The following RNF138 variants were observed in gnomAD, a reference collection of about 807,000 sequenced individuals.
The protein encoded by RNF138 is E3 ubiquitin-protein ligase RNF138.
Under a neutral mutation model 31.0 loss-of-function variants are expected in RNF138, and 12 were observed. That is an observed-to-expected ratio of 0.39 (90% CI 0.25 to 0.63). The LOEUF is 0.63. Ranked by LOEUF, RNF138 falls within the 20% of genes least tolerant of loss-of-function variation. RNF138 has a pLI of 0.52. For synonymous variants in RNF138, 105 were observed against 99.5 expected, an observed-to-expected ratio of 1.06 and a Z score of -0.33; for missense variants, 192 against 300.1, an observed-to-expected ratio of 0.64 and a Z score of 2.66.
intron 5 of RNF138, among the ~76,000 whole-genome samples, chr18:32,123,792 A>C (rs2040343851): frequency 6.6e-6 from 1 of 151,368 alleles, no homozygotes; most frequent in African/African-American, 2.4e-5. Context: ...ATCTGGTATT[A>C]CAGGTGCCTG....
At chr18:32,106,030 A>G (rs1054994959) in intron 2 of RNF138, among the ~76,000 whole-genome samples, 2 of 152,152 alleles carry the variant, frequency 1.3e-5, no homozygotes, top group Non-Finnish European at 1.5e-5. Context: ...TGGAATACCT[A>G]TTGCATGTTT....
At chr18:32,118,956 A>G (rs1354073295) in intron 4 of RNF138, among the ~76,000 whole-genome samples, 4 of 152,300 alleles carry the variant, frequency 2.6e-5, no homozygotes, top group East Asian at 1.9e-4. Context: ...ATGTATATGC[A>G]TATTCTTTAA....
At chr18:32,106,889 T>G (rs756963137) in intron 2 of RNF138, among the ~76,000 whole-genome samples, 4 of 152,108 alleles carry the variant, frequency 2.6e-5, no homozygotes, top group Non-Finnish European at 5.9e-5. Context: ...TTGAAGTTTT[T>G]CCAGTAATCT....
At chr18:32,098,832 G>A (rs1358271434) in intron 2 of RNF138, among the ~76,000 whole-genome samples, 6 of 143,914 alleles carry the variant, frequency 4.2e-5, no homozygotes, top group South Asian at 2.2e-4. Context: ...CAGCCCGGGC[G>A]ACAGAGTGAG....
At chr18:32,124,921 A>G (rs1051619652) in intron 6 of RNF138, 76 bp downstream of exon 6, 2 of 742,662 alleles carry the variant, frequency 2.7e-6, no homozygotes, top group African/African-American at 3.5e-5. Context: ...TCATGTATGC[A>G]AGAGAAAGTA....
intron 2 of RNF138, among the ~76,000 whole-genome samples, chr18:32,106,460 C>G (rs1375628565): frequency 6.6e-6 from 1 of 152,134 alleles, no homozygotes; most frequent in Admixed American, 6.5e-5. Context: ...GAGTTTGATG[C>G]TAATCTGATT....
chr18:32,095,374 G>C (rs774700898), intron 2 of RNF138, among the ~76,000 whole-genome samples: 2 of 151,984 alleles, frequency 1.3e-5, no homozygotes, highest in African/African-American at 4.8e-5. Flanking sequence ...GCCTCACTAC[G>C]TTGCCCAGTC....
At chr18:32,099,984 T>G (rs766955465) in intron 2 of RNF138, among the ~76,000 whole-genome samples, 24 of 152,218 alleles carry the variant, frequency 1.6e-4, no homozygotes, top group Non-Finnish European at 3.2e-4. Flanking sequence ...AAGTGTCTTG[T>G]TCATGGAAAG....
intron 2 of RNF138, among the ~76,000 whole-genome samples, chr18:32,102,633 G>T (rs2039963279): frequency 6.6e-6 from 1 of 150,894 alleles, no homozygotes; most frequent in Non-Finnish European, 1.5e-5. Flanking sequence ...GGTTAATTTG[G>T]GATTTTCTTT....
intron 2 of RNF138, among the ~76,000 whole-genome samples, chr18:32,108,676 T>G (rs532939345): frequency 3.3e-5 from 5 of 152,246 alleles, no homozygotes; most frequent in African/African-American, 1.2e-4. Flanking sequence ...TTGTTTTGTT[T>G]GGTTTTTAAA....
chr18:32,122,599 G>A (rs906506338), intron 4 of RNF138, among the ~76,000 whole-genome samples: 5 of 152,048 alleles, frequency 3.3e-5, no homozygotes, highest in South Asian at 2.1e-4. Flanking sequence ...TGAGGTGGGC[G>A]GATCACTTGA....
At chr18:32,120,555 A>G (rs1417090281) in intron 4 of RNF138, among the ~76,000 whole-genome samples, 2 of 152,212 alleles carry the variant, frequency 1.3e-5, no homozygotes, top group Non-Finnish European at 2.9e-5. Flanking sequence ...TTTTAAAAAA[A>G]TAATAATTTG....
chr18:32,109,040 T>C (rs2040082488), intron 2 of RNF138, among the ~76,000 whole-genome samples: 1 of 152,168 alleles, frequency 6.6e-6, no homozygotes, highest in Non-Finnish European at 1.5e-5. Context: ...TGCCACCCAG[T>C]TTTCCAAATG....
intron 6 of RNF138, 101 bp downstream of exon 6, chr18:32,124,946 G>T: frequency 1.5e-6 from 1 of 660,474 alleles, no homozygotes. Flanking sequence ...ATTTATATTT[G>T]GTTGGGGCAT....
At chr18:32,109,487 G>A (rs1386835624) in intron 2 of RNF138, 1 of 151,870 alleles carries the variant, frequency 6.6e-6, no homozygotes, top group African/African-American at 2.4e-5. Flanking sequence ...TTACCCAGGC[G>A]GGCCTTGAAC....
chr18:32,129,213 G>C lies in RNF138; in HGVS notation c.*26G>C. ...AGGCTGTAGACATCTCTGCATCTTTGTACCTGCAAGTGCCATCTTTAAGGG... is the reference window on the plus strand; with the variant it reads ...AGGCTGTAGACATCTCTGCATCTTTCTACCTGCAAGTGCCATCTTTAAGGG... On this transcript the variant is annotated 3_prime_UTR_variant, in exon 8 of 8. Coordinates refer to ENST00000261593, the MANE Select transcript of RNF138 (RefSeq NM_016271.5). 6.7e-7 allele frequency: 1 copy of C among 1,485,320 alleles called. No individual in the cohort carries two copies. Among genetic ancestry groups the C allele is most frequent in the Non-Finnish European group, 9.3e-7 (1 of 1,076,472 alleles). The allele number at this position is 1,485,320 out of a possible 1,614,324, so 92.0% of individuals were successfully genotyped here.
At chr18:32,119,242 C>T (rs1261324635) in intron 4 of RNF138, among the ~76,000 whole-genome samples, 3 of 151,952 alleles carry the variant, frequency 2.0e-5, no homozygotes, top group Non-Finnish European at 4.4e-5. Context: ...TTGTTCATTC[C>T]TCTAGAAATA....
rs74563380 is a variant in RNF138, at chr18:32,093,680, G to T, written c.110+794G>T. ...CCGAAATTGAGATGCTACCCAGGGTGGGGGAGAACACAAAGGGGTTGGGTG... is the reference window on the plus strand; with the variant it reads ...CCGAAATTGAGATGCTACCCAGGGTTGGGGAGAACACAAAGGGGTTGGGTG... On this transcript the variant is annotated intron_variant, in intron 2 of 7. Coordinates refer to ENST00000261593, the MANE Select transcript of RNF138 (RefSeq NM_016271.5). 1.4e-3 allele frequency among the ~76,000 whole-genome samples: 206 copies of T among 152,320 alleles called. 4 individuals are homozygous for T. The East Asian group carries it at 0.033, about 25-fold the overall frequency.
chr18:32,108,634 T>C (rs2040075499), intron 2 of RNF138, among the ~76,000 whole-genome samples: 1 of 152,158 alleles, frequency 6.6e-6, no homozygotes, highest in African/African-American at 2.4e-5. Context: ...ATGAACTTTC[T>C]AGCAAATTTT....
Sources: allele counts gnomAD v4.1 joint callset (sites outside exome capture counted in the v4.1 genomes callset), GRCh38; gene constraint gnomAD v4.1.1; transcripts MANE v1.5; gene names NCBI Gene and HGNC (gene_info 2026-07-23, HGNC 2026-07-21).